DDO: variants seen among roughly 807,000 people sequenced by gnomAD.
The protein encoded by DDO is D-aspartate oxidase.
Under a neutral mutation model 16.8 loss-of-function variants are expected in DDO, and 16 were observed. The ratio of observed to expected loss-of-function variants is 0.95; its 90% CI spans 0.65 to 1.45. The LOEUF is 1.45. Ranked by LOEUF, DDO falls within the 40% of genes most tolerant of loss-of-function variation. The pLI is 0.00. For synonymous variants in DDO, 180 were observed against 167.2 expected (o/e 1.08, Z -0.59); for missense variants, 429 against 420.3 (o/e 1.02, Z -0.18).
At chr6:110,413,885 T>C (rs1349813328) in intron 1 of DDO, among the ~76,000 whole-genome samples, 1 of 152,168 alleles carries the variant, frequency 6.6e-6, no homozygotes, top group Non-Finnish European at 1.5e-5. Context: ...GCAATTCTCC[T>C]GCCTTAGCCT....
chr6:110,396,999 G>C (rs1773311534), intron 4 of DDO, among the ~76,000 whole-genome samples: 1 of 152,136 alleles, frequency 6.6e-6, no homozygotes, highest in Non-Finnish European at 1.5e-5. Context: ...TGAACACGAA[G>C]AAAAGAACTT....
intron 3 of DDO, 49 bp from the exon 4 acceptor site, chr6:110,404,999 T>A (rs1418535480): frequency 2.7e-6 from 4 of 1,504,534 alleles, no homozygotes; most frequent in African/African-American, 1.4e-5. Context: ...TGAAATAACA[T>A]ATTTCTAGTA....
intron 4 of DDO, among the ~76,000 whole-genome samples, chr6:110,401,348 C>A (rs1295219604): frequency 6.6e-6 from 1 of 151,810 alleles, no homozygotes; most frequent in Non-Finnish European, 1.5e-5. Flanking sequence ...TGTGGCATTG[C>A]AGCAGGTTTG....
chr6:110,401,260 C>A (rs1381519492), intron 4 of DDO, among the ~76,000 whole-genome samples: 9 of 152,094 alleles, frequency 5.9e-5, no homozygotes, highest in Non-Finnish European at 1.3e-4. Flanking sequence ...ATTTACATTG[C>A]AACAGAGTGA....
rs745353427 is a variant in DDO, at chr6:110,408,336, T to G, written c.279A>C (p.Ser93=). 1 of 1,613,926 alleles carries G rather than the reference T, an allele frequency of 6.2e-7. No homozygotes were observed. ...EAGDAGVHLV[S]GWQIFQSTPT... ...TAACTTCAAATTTCTTCACTTACCCTGATACCAAATGAACACCAGCATCTC... is the reference window on the plus strand; with the variant it reads ...TAACTTCAAATTTCTTCACTTACCCGGATACCAAATGAACACCAGCATCTC... Residue 93 remains serine, a splice_region_variant and synonymous_variant, in exon 3 of 5, where the codon TCA becomes TCC. Transcript: ENST00000368924.
intron 1 of DDO, 41 bp from the exon 2 acceptor site, chr6:110,413,507 G>C (rs1274887466): frequency 6.3e-7 from 1 of 1,588,250 alleles, no homozygotes; most frequent in South Asian, 1.1e-5. Context: ...TTGTTTTAAG[G>C]ATTTTCCCAT....
chr6:110,404,681 G>T, intron 4 of DDO, 93 bp downstream of exon 4: 1 of 1,388,722 alleles, frequency 7.2e-7, no homozygotes, highest in Non-Finnish European at 1.0e-6. Flanking sequence ...TCTGAGGGAT[G>T]CCAGAGACTT....
intron 3 of DDO, 120 bp from the exon 4 acceptor site, chr6:110,405,070 T>G: frequency 9.8e-7 from 1 of 1,022,056 alleles, no homozygotes; most frequent in Non-Finnish European, 1.4e-6. Flanking sequence ...AGAGTCTCAC[T>G]CCATCACCCA....
At chr6:110,402,821 C>T (rs1001237198) in intron 4 of DDO, among the ~76,000 whole-genome samples, 1 of 152,154 alleles carries the variant, frequency 6.6e-6, no homozygotes, top group Admixed American at 6.5e-5. Flanking sequence ...CTGGCCATCC[C>T]CACGCAGGAA....
Position 110,408,322 on chromosome 6 carries a change from T to G in DDO, c.281+12A>C. On this transcript the variant is annotated intron_variant, in intron 3 of 4. Coordinates refer to ENST00000368924, the MANE Select transcript of DDO (RefSeq NM_001372108.2). The stretch of plus-strand genomic sequence containing the variant: ...GCTACACTCTAAAATAACTTCAAAT[T>G]TCTTCACTTACCCTGATACCAAATG... 6.2e-7 allele frequency: 1 copy of G among 1,611,746 alleles called. No individual in the cohort carries two copies. The highest frequency in any genetic ancestry group is 8.5e-7 in the Non-Finnish European group (1 of 1,178,212).
In DDO at chr6:110,408,427, G is replaced by A. The variant is rs150181759; in HGVS notation, c.188C>T (p.Thr63Met). The A allele has an allele frequency of 5.1e-5, 83 of 1,614,022 alleles. No homozygotes were observed. Among genetic ancestry groups the A allele is most frequent in the Non-Finnish European group, 6.4e-5 (76 of 1,180,002 alleles). ...PHTYPDTPIHTQKQWFRETFN... is the reference protein window; with the variant it reads ...PHTYPDTPIHMQKQWFRETFN... The stretch of plus-strand genomic sequence containing the variant: ...GGTTTCTCTGAACCACTGCTTCTGC[G>A]TGTGAATGGGTGTATCTGTAATCAT... Residue 63 changes from threonine to methionine, a missense_variant, in exon 3 of 5, where the codon ACG becomes ATG. Thr to Met is a moderately conservative substitution (Grantham distance 81, BLOSUM62 -1). Transcript: ENST00000368924.
At chr6:110,412,184 T>A (rs2114842753) in intron 2 of DDO, among the ~76,000 whole-genome samples, 1 of 151,808 alleles carries the variant, frequency 6.6e-6, no homozygotes, top group East Asian at 1.9e-4. Flanking sequence ...AGGTGAAGGT[T>A]ACAGTGAGTC....
Position 110,415,569 on chromosome 6 carries a change from C to T in DDO, c.-107G>A, listed in dbSNP as rs368825335. ...CATGCCCTGAGAGACAGAGAGAAAGCGAAACTGATTCCCATTGGTGACTTG... is the reference window on the plus strand; with the variant it reads ...CATGCCCTGAGAGACAGAGAGAAAGTGAAACTGATTCCCATTGGTGACTTG... On this transcript the variant is annotated 5_prime_UTR_variant, in exon 1 of 5. Transcript: ENST00000368924. 4.5e-5 allele frequency: 72 copies of T among 1,612,910 alleles called. 1 individual carries two copies. In the South Asian group the frequency reaches 6.3e-4, roughly 14 times the overall value.
At chr6:110,412,024 G>A (rs374601203) in intron 2 of DDO, among the ~76,000 whole-genome samples, 264 of 152,294 alleles carry the variant, frequency 1.7e-3, no homozygotes, top group African/African-American at 5.7e-3. Flanking sequence ...CCAGTGGGAG[G>A]ATTGGGAGGC....
Position 110,404,938 on chromosome 6 carries a change from A to G in DDO, c.294T>C (p.Phe98=), listed in dbSNP as rs890365033. 1.9e-6 allele frequency: 3 copies of G among 1,614,148 alleles called. No homozygotes were observed. The highest frequency in any genetic ancestry group is 2.5e-6 in the Non-Finnish European group (3 of 1,180,020). Residue 98 remains phenylalanine (F), a synonymous_variant, in exon 4 of 5, where the codon TTT becomes TTC. Coordinates refer to ENST00000368924, the MANE Select transcript of DDO (RefSeq NM_001372108.2). ...GVHLVSGWQI[F]QSTPTEEVPF... ...GCACTTCTTCAGTCGGAGTGCTCTG[A>G]AATATCTGCCAACTCAAACGTATTA...
At position 110,392,984 on chromosome 6, in the gene DDO, C is replaced by T. The variant is rs774158878; in HGVS notation, c.817G>A (p.Glu273Lys). ...PSLHGACNIR[E>K]KVGLRPYRPG... is the part of the protein sequence containing the mutation. Reference sequence around the variant, plus strand: ...CTGTAGGGCCTCAAGCCCACCTTCTCCCTGATGTTGCAGGCTCCGTGGAGG... The same window carrying T: ...CTGTAGGGCCTCAAGCCCACCTTCTTCCTGATGTTGCAGGCTCCGTGGAGG... The change falls in exon 5 of 5, where the codon GAG (glutamate) becomes AAG (lysine). Residue 273 changes from glutamate to lysine, a missense_variant. By Grantham distance (56) the Glu-to-Lys change is moderately conservative (BLOSUM62 1). Transcript: ENST00000368924. The T allele has an allele frequency of 1.9e-6, 3 of 1,612,384 alleles. No homozygotes were observed. In the South Asian group the frequency reaches 3.3e-5, roughly 18 times the overall value.
At position 110,392,161 on chromosome 6, in the gene DDO, A is replaced by C; in HGVS notation, c.*614T>G. On this transcript the variant is annotated 3_prime_UTR_variant, in exon 5 of 5. Coordinates refer to ENST00000368924, the MANE Select transcript of DDO (RefSeq NM_001372108.2). The stretch of plus-strand genomic sequence containing the variant: ...GCAAGCATGCTTTGTCTTCAATTAA[A>C]TGTAATAATCCAGCACTGTGTGAGC... The C allele has an allele frequency of 5.1e-6, 5 of 984,378 alleles. No individual in the cohort carries two copies. Among genetic ancestry groups the C allele is most frequent in the Non-Finnish European group, 4.8e-6 (4 of 828,916 alleles). 61.0% of individuals were successfully genotyped at this position (984,378 alleles called of 1,614,324 possible).
chr6:110,395,410 C>T (rs571429754), intron 4 of DDO, among the ~76,000 whole-genome samples: 43 of 151,486 alleles, frequency 2.8e-4, no homozygotes, highest in African/African-American at 9.9e-4. Context: ...CCTGGGTCTC[C>T]TGCTTGCCTG....
chr6:110,390,254 C>T (rs7773861), downstream of DDO, among the ~76,000 whole-genome samples: 1 of 152,196 alleles, frequency 6.6e-6, no homozygotes, highest in Non-Finnish European at 1.5e-5. Flanking sequence ...CTCAGTGGTT[C>T]TCAGCCCTGG....
Sources: gnomAD v4.1 joint callset for allele counts (sites outside exome capture counted in the v4.1 genomes callset) on GRCh38, gnomAD v4.1.1 for gene constraint, MANE v1.5 for transcripts, NCBI Gene and HGNC (gene_info 2026-07-23, HGNC 2026-07-21) for gene names.